The following FAM227A variants were observed in gnomAD, a reference collection of about 807,000 sequenced individuals.
FAM227A encodes the protein family with sequence similarity 227 member A.
Under a neutral mutation model 74.7 loss-of-function variants are expected in FAM227A, and 80 were observed. The observed-to-expected ratio is 1.07, with a 90% CI of 0.89 to 1.29. The LOEUF is 1.29. Among genes scored for constraint, FAM227A ranks in the 50% most tolerant of loss-of-function variants. FAM227A has a pLI of 0.00. For synonymous variants in FAM227A, 237 were observed against 241.8 expected (o/e 0.98, Z 0.19); for missense variants, 654 against 683.4 (o/e 0.96, Z 0.48).
At chr22:38,610,503 T>A (rs1001497145) in intron 11 of FAM227A, among the ~76,000 whole-genome samples, 19 of 149,172 alleles carry the variant, frequency 1.3e-4, no homozygotes, top group Admixed American at 2.0e-4. Flanking sequence ...GTCAGCTGTG[T>A]GGCCTGGGGC....
intron 4 of FAM227A, among the ~76,000 whole-genome samples, chr22:38,639,297 T>C (rs546349444): frequency 2.9e-4 from 44 of 151,630 alleles, no homozygotes; most frequent in Non-Finnish European, 5.9e-4. Context: ...TAATCCCAGC[T>C]ACTCAGGAGG....
chr22:38,637,316 C>T (rs1430532004), intron 5 of FAM227A, among the ~76,000 whole-genome samples: 3 of 152,118 alleles, frequency 2.0e-5, no homozygotes, highest in Non-Finnish European at 4.4e-5. Context: ...TGATTACTTC[C>T]AATTACTACT....
intron 1 of FAM227A, among the ~76,000 whole-genome samples, chr22:38,654,601 C>T (rs1179892582): frequency 6.6e-6 from 1 of 151,824 alleles, no homozygotes; most frequent in Admixed American, 6.6e-5. Context: ...TCACTGCACT[C>T]CAGCCTGGGT....
At chr22:38,589,348 G>A (rs748417451) in intron 16 of FAM227A, among the ~76,000 whole-genome samples, 3 of 152,072 alleles carry the variant, frequency 2.0e-5, no homozygotes, top group Non-Finnish European at 2.9e-5. Flanking sequence ...ATACATTTAC[G>A]TTGTTTGAAA....
In FAM227A at chr22:38,585,935, C is replaced by T. The variant is rs1165342550; in HGVS notation, c.*190G>A. On this transcript the variant is annotated 3_prime_UTR_variant, in exon 17 of 17. Transcript: ENST00000535113. ...CTATGAATAAATGTAGTGACCCAAG[C>T]ACCAACTCTCTACTCCTGCTTTTCA... The T allele has an allele frequency of 6.0e-6, 8 of 1,330,570 alleles. No homozygotes were observed. The highest frequency in any genetic ancestry group is 8.1e-6 in the Non-Finnish European group (8 of 989,714). The allele number at this position is 1,330,570 out of a possible 1,614,324, so 82.4% of individuals were successfully genotyped here.
rs58028591 is a variant in FAM227A at position 38,581,742 on chromosome 22, G to GT, written c.*4382dup. The GT allele has an allele frequency of 0.33, 45,592 of 137,248 alleles. 7,683 individuals carry two copies. Among genetic ancestry groups the GT allele is most frequent in the African/African-American group, 0.41 (15,088 of 36,636 alleles). The allele number at this position is 137,248 out of a possible 1,614,324, so 8.5% of individuals were successfully genotyped here. ...GCGTTAGCCACCGCACCTGGCTCAG[G>GT]TTTTTTTTTTTTTTTTTCCCAGACA... On this transcript the variant is annotated 3_prime_UTR_variant, in exon 17 of 17. Transcript: ENST00000535113.
chr22:38,620,251 G>A lies in FAM227A; in HGVS notation c.999C>T (p.Ser333=). 6.4e-7 allele frequency: 1 copy of A among 1,551,424 alleles called. No individual in the cohort carries two copies. The highest frequency in any genetic ancestry group is 8.7e-7 in the Non-Finnish European group (1 of 1,146,790). ...FSLFAGKRAF[S]QKPAQSRKFY... ...ATTTCCTGCTCTGGGCTGGCTTCTGGGAGAAGGCTCTCTTACCAGCAAACA... is the reference window on the plus strand; with the variant it reads ...ATTTCCTGCTCTGGGCTGGCTTCTGAGAGAAGGCTCTCTTACCAGCAAACA... Residue 333 remains serine (S), a synonymous_variant, in exon 11 of 17, where the codon TCC becomes TCT. Transcript: ENST00000535113.
At chr22:38,636,090 G>A (rs983346376) in intron 6 of FAM227A, among the ~76,000 whole-genome samples, 1 of 143,402 alleles carries the variant, frequency 7.0e-6, no homozygotes, top group African/African-American at 2.7e-5. Flanking sequence ...GAAGGAAGGA[G>A]GGAGGGAAGA....
chr22:38,626,141 T>C lies in FAM227A; in HGVS notation c.850+39A>G, dbSNP rs773265643. ...TAGGTGCCAGCGGAAAACATTTTTC[T>C]AGAATCGCTTTCCCCGGTGGAAAAA... On this transcript the variant is annotated intron_variant, in intron 9 of 16. Coordinates refer to ENST00000535113, the MANE Select transcript of FAM227A (RefSeq NM_001013647.2). 4 of 1,546,788 alleles carry C rather than the reference T, an allele frequency of 2.6e-6. No individual in the cohort carries two copies. In the South Asian group the frequency reaches 4.8e-5, roughly 19 times the overall value.
chr22:38,613,287 A>C lies in FAM227A; in HGVS notation c.1039-5811T>G, dbSNP rs1211598001. 1.1e-4 allele frequency among the ~76,000 whole-genome samples: 9 copies of C among 80,580 alleles called. No homozygotes were observed. In the East Asian group the frequency reaches 2.4e-3, roughly 21 times the overall value. 52.9% of individuals were successfully genotyped at this position (80,580 alleles called of 152,430 possible). A position where few individuals can be genotyped will look rare whatever the true frequency, so the allele number is the denominator to read the frequency against. On this transcript the variant is annotated intron_variant, in intron 11 of 16. Transcript: ENST00000535113. The stretch of plus-strand genomic sequence containing the variant: ...ATAACATATATTATATATCATATAT[A>C]ATATATATCATATATAATATATAAC...
chr22:38,597,983 C>T (rs904007155), intron 14 of FAM227A, among the ~76,000 whole-genome samples: 1 of 146,448 alleles, frequency 6.8e-6, no homozygotes, highest in African/African-American at 2.5e-5. Context: ...GCGGAAGTTG[C>T]GGTGAGCCGA....
At chr22:38,612,411 C>G (rs558649848) in intron 11 of FAM227A, among the ~76,000 whole-genome samples, 6 of 151,926 alleles carry the variant, frequency 3.9e-5, no homozygotes, top group African/African-American at 7.3e-5. Flanking sequence ...TTTTTTTTCG[C>G]CTCAGGGCCT....
chr22:38,607,357 G>A (rs1405560799), intron 12 of FAM227A, 32 bp downstream of exon 12: 1 of 1,471,502 alleles, frequency 6.8e-7, no homozygotes, highest in Admixed American at 2.0e-5. Flanking sequence ...TAAGCCAAAA[G>A]CCTACATTTC....
chr22:38,582,790 T>C lies in FAM227A; in HGVS notation c.*3335A>G. The C allele has an allele frequency of 6.5e-7, 1 of 1,542,168 alleles. No individual in the cohort carries two copies. ...GTAGACAGGCAATTCCAATCTACTA[T>C]GGTAACTGCTGCCATAATGGGATGG... On this transcript the variant is annotated 3_prime_UTR_variant, in exon 17 of 17. Transcript: ENST00000535113.
intron 4 of FAM227A, 56 bp downstream of exon 4, chr22:38,639,599 T>C (rs1053990518): frequency 1.5e-5 from 23 of 1,487,004 alleles, no homozygotes; most frequent in Non-Finnish European, 2.1e-5. Flanking sequence ...GCATTTTAGA[T>C]ACTAAAAAAA....
intron 2 of FAM227A, 51 bp from the exon 3 acceptor site, chr22:38,645,696 C>T (rs1176668433): frequency 8.5e-7 from 1 of 1,175,824 alleles, no homozygotes; most frequent in African/African-American, 1.5e-5. Context: ...ACACACACAA[C>T]AGGATGGGGC....
At chr22:38,638,595 G>C in intron 5 of FAM227A, 151 bp downstream of exon 5, 3 of 659,672 alleles carry the variant, frequency 4.5e-6, no homozygotes, top group Non-Finnish European at 8.1e-6. Context: ...TGTTGTAAGG[G>C]TGTTATGAGA....
At chr22:38,649,581 A>G (rs774937059) in intron 2 of FAM227A, among the ~76,000 whole-genome samples, 4 of 150,092 alleles carry the variant, frequency 2.7e-5, no homozygotes, top group Non-Finnish European at 4.4e-5. Context: ...AAAAAAAGGA[A>G]TATGGCTGGG....
intron 10 of FAM227A, among the ~76,000 whole-genome samples, chr22:38,622,840 C>A (rs1323589071): frequency 1.4e-5 from 2 of 138,458 alleles, no homozygotes; most frequent in African/African-American, 2.8e-5. Context: ...CACACCACTG[C>A]ACTCCAGCCT....
Sources: gnomAD v4.1 joint callset for allele counts (sites outside exome capture counted in the v4.1 genomes callset) on GRCh38, gnomAD v4.1.1 for gene constraint, MANE v1.5 for transcripts, NCBI Gene and HGNC (gene_info 2026-07-23, HGNC 2026-07-21) for gene names.